Variants in DTD1 observed in about 807,000 individuals in gnomAD.
The protein encoded by DTD1 is D-aminoacyl-tRNA deacylase 1, also known as D-tyrosyl-tRNA deacylase 1 homolog.
A neutral mutation model predicts 25.6 loss-of-function variants in DTD1; 13 were observed. The observed-to-expected ratio is 0.51, with a 90% CI of 0.33 to 0.81. The LOEUF is 0.81. Among genes scored for constraint, DTD1 ranks in the 30% least tolerant of loss-of-function variants. The pLI is 0.02. For missense variants in DTD1, 193 were observed against 266.4 expected, an observed-to-expected ratio of 0.72 and a Z score of 1.92; for synonymous variants, 110 against 103.6, an observed-to-expected ratio of 1.06 and a Z score of -0.37.
At chr20:18,641,822 A>C (rs2060829615) in intron 4 of DTD1, among the ~76,000 whole-genome samples, 1 of 149,434 alleles carries the variant, frequency 6.7e-6, no homozygotes, top group Non-Finnish European at 1.5e-5. Context: ...TTACCTTTTC[A>C]CTCTGTTGGT....
At chr20:18,665,581 C>T (rs1275599597) in intron 4 of DTD1, among the ~76,000 whole-genome samples, 1 of 152,182 alleles carries the variant, frequency 6.6e-6, no homozygotes, top group African/African-American at 2.4e-5. Flanking sequence ...TGAGTTACAA[C>T]TGACAAGTGG....
At chr20:18,626,588 G>C (rs2060759480) in intron 3 of DTD1, among the ~76,000 whole-genome samples, 1 of 152,078 alleles carries the variant, frequency 6.6e-6, no homozygotes, top group Non-Finnish European at 1.5e-5. Flanking sequence ...GTGTGAGTGT[G>C]TGTTTTTTTT....
chr20:18,725,812 G>T (rs1355156109), intron 4 of DTD1, among the ~76,000 whole-genome samples: 1 of 152,148 alleles, frequency 6.6e-6, no homozygotes, highest in East Asian at 1.9e-4. Context: ...TAACTGCTCA[G>T]CAGATGTCCG....
At chr20:18,742,776 T>G (rs1283325897) in intron 4 of DTD1, among the ~76,000 whole-genome samples, 1 of 152,204 alleles carries the variant, frequency 6.6e-6, no homozygotes, top group Non-Finnish European at 1.5e-5. Flanking sequence ...TGGTTGGTTG[T>G]TCATCTCTCG....
chr20:18,631,498 A>G lies in DTD1; in HGVS notation c.477+3265A>G, dbSNP rs1468528086. On this transcript the variant is annotated intron_variant, in intron 4 of 5. Coordinates refer to ENST00000377452, the MANE Select transcript of DTD1 (RefSeq NM_080820.6). ...TCCATCTTATCCCATTGGGTTTTAA[A>G]TATGCCCAAATGTCTCCAATTGAGA... 1.6e-4 allele frequency: 160 copies of G among 985,412 alleles called. 1 individual carries two copies. Among genetic ancestry groups the G allele is most frequent in the East Asian group, 1.1e-4 (1 of 8,816 alleles). The allele number at this position is 985,412 out of a possible 1,614,324, so 61.0% of individuals were successfully genotyped here.
intron 4 of DTD1, among the ~76,000 whole-genome samples, chr20:18,661,547 A>G (rs993087215): frequency 6.6e-6 from 1 of 151,894 alleles, no homozygotes; most frequent in Admixed American, 6.6e-5. Flanking sequence ...AATTTTTTGT[A>G]TTTTTAGTAG....
intron 4 of DTD1, among the ~76,000 whole-genome samples, chr20:18,641,326 G>C (rs1568655768): frequency 6.6e-6 from 1 of 152,150 alleles, no homozygotes; most frequent in Non-Finnish European, 1.5e-5. Flanking sequence ...ATCTCTTCAA[G>C]ACCCTGCTTT....
intron 5 of DTD1, among the ~76,000 whole-genome samples, chr20:18,750,768 G>A (rs2061318591): frequency 6.6e-6 from 1 of 152,080 alleles, no homozygotes; most frequent in Non-Finnish European, 1.5e-5. Flanking sequence ...TCTCCTTTCT[G>A]GCCACTGCTA....
chr20:18,761,724 G>A (rs1170919970), intron 5 of DTD1, among the ~76,000 whole-genome samples: 1 of 152,166 alleles, frequency 6.6e-6, no homozygotes, highest in African/African-American at 2.4e-5. Context: ...CCAAGAAGAT[G>A]GAGTTTCTCA....
intron 4 of DTD1, among the ~76,000 whole-genome samples, chr20:18,719,323 T>C (rs1046858838): frequency 1.3e-5 from 2 of 152,174 alleles, no homozygotes; most frequent in Admixed American, 1.3e-4. Flanking sequence ...TACCCTAACC[T>C]ATTTCCTAAA....
At chr20:18,596,567 T>A (rs2060612484) in intron 3 of DTD1, among the ~76,000 whole-genome samples, 1 of 152,152 alleles carries the variant, frequency 6.6e-6, no homozygotes. Context: ...AAGCCTCAAA[T>A]GTGAGCCAAA....
chr20:18,596,491 G>T (rs1039843411), intron 3 of DTD1, among the ~76,000 whole-genome samples: 1 of 152,092 alleles, frequency 6.6e-6, no homozygotes, highest in Non-Finnish European at 1.5e-5. Flanking sequence ...GAACCCAGAG[G>T]TGTGGCTAAT....
intron 4 of DTD1, among the ~76,000 whole-genome samples, chr20:18,656,423 A>G (rs971146184): frequency 6.6e-6 from 1 of 152,242 alleles, no homozygotes; most frequent in Non-Finnish European, 1.5e-5. Flanking sequence ...AGTCTCCTCC[A>G]TCTGTTGACT....
chr20:18,735,383 C>G (rs1263230867), intron 4 of DTD1, among the ~76,000 whole-genome samples: 1 of 152,208 alleles, frequency 6.6e-6, no homozygotes, highest in Non-Finnish European at 1.5e-5. Flanking sequence ...GTGTTTGCGC[C>G]ACAAAGAACC....
intron 5 of DTD1, among the ~76,000 whole-genome samples, chr20:18,755,523 G>C (rs183544721): frequency 1.2e-4 from 19 of 152,172 alleles, no homozygotes; most frequent in African/African-American, 4.6e-4. Context: ...TGCGGTGTTT[G>C]GTTTTTTGTC....
At chr20:18,738,834 A>T (rs2061266744) in intron 4 of DTD1, among the ~76,000 whole-genome samples, 2 of 152,248 alleles carry the variant, frequency 1.3e-5, no homozygotes, top group South Asian at 4.1e-4. Flanking sequence ...TGATCATTCA[A>T]CTACTATCAG....
chr20:18,711,190 G>A lies in DTD1; in HGVS notation c.478-32910G>A, dbSNP rs1320959984. ...TAAGCACTAATCTTTTCCTGACCTT[G>A]TGTAGTTTCTTTACCTGCTTAGTAC... On this transcript the variant is annotated intron_variant, in intron 4 of 5. Transcript: ENST00000377452. Among the ~76,000 whole-genome samples, 5 of 152,134 alleles carry A rather than the reference G, an allele frequency of 3.3e-5. No individual in the cohort carries two copies. The East Asian group carries it at 7.7e-4, about 23-fold the overall frequency.
chr20:18,615,595 T>A (rs905572654), intron 3 of DTD1, among the ~76,000 whole-genome samples: 2 of 152,214 alleles, frequency 1.3e-5, no homozygotes, highest in African/African-American at 4.8e-5. Context: ...AATGGAATAG[T>A]GGAGAAGGGC....
intron 4 of DTD1, among the ~76,000 whole-genome samples, chr20:18,719,275 G>A (rs2061193816): frequency 6.6e-6 from 1 of 151,736 alleles, no homozygotes; most frequent in African/African-American, 2.4e-5. Context: ...GTGTGTTTGT[G>A]TATCTTGATT....
Sources: allele counts gnomAD v4.1 joint callset (sites outside exome capture counted in the v4.1 genomes callset), GRCh38; gene constraint gnomAD v4.1.1; transcripts MANE v1.5; gene names NCBI Gene and HGNC (gene_info 2026-07-23, HGNC 2026-07-21).